The following HERC3 variants were observed in gnomAD, a reference collection of about 807,000 sequenced individuals.
HERC3 encodes the protein probable E3 ubiquitin-protein ligase HERC3.
Under a neutral mutation model 129.9 loss-of-function variants are expected in HERC3, and 58 were observed. The ratio of observed to expected loss-of-function variants is 0.45; its 90% CI spans 0.36 to 0.56. HERC3 has a LOEUF of 0.56. HERC3 is among the 20% of genes least tolerant of loss of function. The probability of loss-of-function intolerance (pLI) is 0.00; values close to 1 mark genes in which losing one functional copy is unlikely to be tolerated. For missense variants in HERC3, 835 were observed against 1,244.2 expected (o/e 0.67, Z 4.95); for synonymous variants, 430 against 451.0 (o/e 0.95, Z 0.59).
the HERC3 span, among the ~76,000 whole-genome samples, chr4:88,577,970 G>A: frequency 6.6e-6 from 1 of 152,142 alleles, no homozygotes; most frequent in Admixed American, 6.5e-5. Flanking sequence ...GGCAGATTCT[G>A]TAACACTAGA....
the HERC3 span, among the ~76,000 whole-genome samples, chr4:88,564,821 T>C: frequency 6.6e-6 from 1 of 152,108 alleles, no homozygotes; most frequent in Non-Finnish European, 1.5e-5. Context: ...ATTAGGTTGT[T>C]TATTTGAAGT....
At chr4:88,532,970 C>A in the HERC3 span, among the ~76,000 whole-genome samples, 4 of 152,198 alleles carry the variant, frequency 2.6e-5, no homozygotes, top group Non-Finnish European at 4.4e-5. Flanking sequence ...TTGACTCACA[C>A]GGTCACCAGG....
intron 21 of HERC3, 74 bp downstream of exon 21, chr4:88,681,399 T>C: frequency 7.9e-7 from 1 of 1,268,150 alleles, no homozygotes; most frequent in South Asian, 1.4e-5. Flanking sequence ...AGGTTGAAAA[T>C]ACCATCTGTA....
chr4:88,676,690 A>G (rs1386323882), intron 18 of HERC3, among the ~76,000 whole-genome samples: 1 of 152,114 alleles, frequency 6.6e-6, no homozygotes, highest in Non-Finnish European at 1.5e-5. Flanking sequence ...CAACTATTCA[A>G]CTCTATTTTA....
the HERC3 span, among the ~76,000 whole-genome samples, chr4:88,537,817 A>G: frequency 1.3e-5 from 2 of 152,246 alleles, no homozygotes; most frequent in Admixed American, 6.5e-5. Flanking sequence ...TCTGAAATCC[A>G]TAGCACTGAA....
At position 88,669,967 on chromosome 4, in the gene HERC3, G is replaced by A. The variant is rs779137480; in HGVS notation, c.1741G>A (p.Val581Ile). Residue 581 changes from valine (V) to isoleucine (I), a missense_variant, in exon 15 of 26, where the codon GTA becomes ATA. Coordinates refer to ENST00000402738, the MANE Select transcript of HERC3 (RefSeq NM_014606.3). ...GGGAAGAAAGACATTCTTAATTCCC[G>A]TACTGTTTAACAATTATATCACAGC... The part of the protein sequence containing the change: ...LRGRKTFLIP[V>I]LFNNYITAAL... 27 of 1,613,576 alleles carry A rather than the reference G, an allele frequency of 1.7e-5. No homozygotes were observed. The highest frequency in any genetic ancestry group is 2.7e-5 in the African/African-American group (2 of 74,876).
chr4:88,695,387 C>T lies in HERC3; in HGVS notation c.2657+8088C>T, dbSNP rs181676212. Among the ~76,000 whole-genome samples, 61 of 151,992 alleles carry T rather than the reference C, an allele frequency of 4.0e-4. 2 individuals carry two copies. The East Asian group carries it at 9.7e-3, about 24-fold the overall frequency. ...CTGATTTTTTAATTTTTCTGGAGTC[C>T]AGTTTTTAAAAAAAACTTTCTGCTT... On this transcript the variant is annotated intron_variant, in intron 23 of 25. Transcript: ENST00000402738.
the HERC3 span, chr4:88,527,507 C>T: frequency 5.1e-5 from 9 of 176,090 alleles, no homozygotes; most frequent in East Asian, 1.9e-4. Flanking sequence ...GTGATCCTCC[C>T]GCCTCAGCCT....
the HERC3 span, among the ~76,000 whole-genome samples, chr4:88,572,258 C>T: frequency 1.3e-5 from 2 of 151,738 alleles, no homozygotes; most frequent in Admixed American, 6.6e-5. Context: ...ATCTCATCTC[C>T]AAAAAAGTGT....
intron 3 of HERC3, among the ~76,000 whole-genome samples, chr4:88,631,496 A>T (rs192681425): frequency 6.6e-6 from 1 of 152,196 alleles, no homozygotes; most frequent in African/African-American, 2.4e-5. Context: ...TCTTATCATA[A>T]CTAATCTTTC....
At chr4:88,635,892 C>A (rs1406437409) in intron 3 of HERC3, among the ~76,000 whole-genome samples, 1 of 152,044 alleles carries the variant, frequency 6.6e-6, no homozygotes, top group Non-Finnish European at 1.5e-5. Context: ...TCATGTCTGG[C>A]CAAATTAAGC....
At chr4:88,590,326 C>T (rs902259524), upstream of HERC3, among the ~76,000 whole-genome samples, 7 of 151,690 alleles carry the variant, frequency 4.6e-5, no homozygotes, top group African/African-American at 1.2e-4. Flanking sequence ...TTTGGGAGGC[C>T]GAGGTGGGCG....
At chr4:88,601,388 A>G (rs1722944128) in intron 2 of HERC3, among the ~76,000 whole-genome samples, 1 of 152,194 alleles carries the variant, frequency 6.6e-6, no homozygotes, top group Non-Finnish European at 1.5e-5. Flanking sequence ...CTGTGTTGTA[A>G]TCTTTAATTT....
At chr4:88,530,616 TA>T in the HERC3 span, among the ~76,000 whole-genome samples, 1 of 152,178 alleles carries the variant, frequency 6.6e-6, no homozygotes, top group Non-Finnish European at 1.5e-5. Context: ...AAGTAGAATA[TA>T]AAAGTTTGCT....
intron 3 of HERC3, among the ~76,000 whole-genome samples, chr4:88,618,288 ATG>A (rs2149216868): frequency 6.6e-6 from 1 of 152,332 alleles, no homozygotes; most frequent in African/African-American, 2.4e-5. Context: ...TCTGTTCTTC[ATG>A]ACTCCCTAAG....
At chr4:88,548,940 C>T in the HERC3 span, among the ~76,000 whole-genome samples, 1 of 152,242 alleles carries the variant, frequency 6.6e-6, no homozygotes, top group South Asian at 2.1e-4. Flanking sequence ...GGATTACAGG[C>T]GTGAGCCACT....
chr4:88,573,903 A>G, the HERC3 span, among the ~76,000 whole-genome samples: 2 of 152,360 alleles, frequency 1.3e-5, no homozygotes, highest in African/African-American at 4.8e-5. Context: ...CACAACTGAA[A>G]AATAAATACA....
the HERC3 span, among the ~76,000 whole-genome samples, chr4:88,568,127 C>G: frequency 6.6e-6 from 1 of 152,194 alleles, no homozygotes; most frequent in Non-Finnish European, 1.5e-5. Flanking sequence ...TTACTTTCCC[C>G]AGACAAACAG....
At chr4:88,570,762 T>TTTTATTTA in the HERC3 span, among the ~76,000 whole-genome samples, 323 of 149,616 alleles carry the variant, frequency 2.2e-3, 2 homozygotes, top group East Asian at 0.03. Context: ...TTTATTTTAT[T>TTTTATTTA]TTTATTTATT....
Sources: gnomAD v4.1 joint callset for allele counts (sites outside exome capture counted in the v4.1 genomes callset) on GRCh38, gnomAD v4.1.1 for gene constraint, MANE v1.5 for transcripts, NCBI Gene and HGNC (gene_info 2026-07-23, HGNC 2026-07-21) for gene names.